PHF20: variants seen among roughly 807,000 people sequenced by gnomAD.
PHF20 encodes the protein glioma-expressed antigen 2.
PHF20 carries 23 observed loss-of-function variants against 113.5 expected under a neutral mutation model. That is an observed-to-expected ratio of 0.20 (90% CI 0.15 to 0.29). PHF20 has a LOEUF of 0.29. Among genes scored for constraint, PHF20 ranks in the 10% least tolerant of loss-of-function variants. The pLI is 1.00. For missense variants in PHF20, 943 were observed against 1,219.6 expected, an observed-to-expected ratio of 0.77 and a Z score of 3.38; for synonymous variants, 434 against 457.3, an observed-to-expected ratio of 0.95 and a Z score of 0.65.
intron 9 of PHF20, among the ~76,000 whole-genome samples, chr20:35,881,077 C>T (rs1176190037): frequency 7.0e-5 from 5 of 71,402 alleles, no homozygotes; most frequent in Non-Finnish European, 9.5e-5. Flanking sequence ...TTTTCTGAGA[C>T]GGAGTTTCTC....
intron 2 of PHF20, among the ~76,000 whole-genome samples, chr20:35,830,409 A>T (rs920974046): frequency 1.3e-5 from 2 of 152,222 alleles, no homozygotes. Context: ...CTCAAGGTTC[A>T]TCTGTGTTGT....
intron 1 of PHF20, among the ~76,000 whole-genome samples, chr20:35,780,387 G>A (rs1216717696): frequency 1.3e-5 from 2 of 150,902 alleles, no homozygotes; most frequent in Non-Finnish European, 3.0e-5. Flanking sequence ...CACGATGCCC[G>A]GCTAATTTTT....
In PHF20 at chr20:35,863,227, G is replaced by T; in HGVS notation, c.635G>T (p.Ser212Ile). 1 of 1,614,114 alleles carries T rather than the reference G, an allele frequency of 6.2e-7. No homozygotes were observed. The highest frequency in any genetic ancestry group is 8.5e-7 in the Non-Finnish European group (1 of 1,180,010). The change falls in exon 6 of 18, where the codon AGT (serine) becomes ATT (isoleucine). Residue 212 changes from serine (S) to isoleucine (I), a missense_variant. This residue lies in a region of PHF20 where 592 missense variants were observed against 787.2 expected (regional missense o/e 0.75). Coordinates refer to ENST00000374012, the MANE Select transcript of PHF20 (RefSeq NM_016436.5). Reference protein sequence around the residue: ...CSEKGKVSEKSLPKNEKEDKE... With the variant: ...CSEKGKVSEKILPKNEKEDKE... ...GAAAAGGGGAAAGTGTCAGAGAAAA[G>T]TCTTCCCAAGAACGAGAAGGAAGAC...
chr20:35,842,852 C>T, intron 3 of PHF20, 108 bp downstream of exon 3: 1 of 872,490 alleles, frequency 1.1e-6, no homozygotes, highest in Non-Finnish European at 1.8e-6. Flanking sequence ...CTTATTTAGG[C>T]CTATAGTTGT....
intron 5 of PHF20, among the ~76,000 whole-genome samples, chr20:35,860,570 C>T (rs1010521107): frequency 2.0e-5 from 3 of 152,046 alleles, no homozygotes; most frequent in African/African-American, 7.3e-5. Context: ...TACATGATAC[C>T]TTTAGTGGTA....
intron 2 of PHF20, among the ~76,000 whole-genome samples, chr20:35,811,129 C>G (rs907874392): frequency 1.3e-5 from 2 of 152,074 alleles, no homozygotes; most frequent in Non-Finnish European, 2.9e-5. Context: ...TCACTGCAAC[C>G]TCCGCCTCCA....
intron 2 of PHF20, among the ~76,000 whole-genome samples, chr20:35,820,940 T>C (rs1413663738): frequency 6.6e-6 from 1 of 151,928 alleles, no homozygotes. Context: ...GCAGAAGCCC[T>C]GGCGTAGGAG....
intron 1 of PHF20, among the ~76,000 whole-genome samples, chr20:35,790,528 A>G (rs1166936335): frequency 6.6e-6 from 1 of 152,012 alleles, no homozygotes; most frequent in Non-Finnish European, 1.5e-5. Flanking sequence ...TCTTCACAAC[A>G]CCTATATGAT....
At chr20:35,850,050 C>T (rs561961721) in intron 4 of PHF20, among the ~76,000 whole-genome samples, 7 of 152,210 alleles carry the variant, frequency 4.6e-5, no homozygotes, top group African/African-American at 1.2e-4. Flanking sequence ...TGTTAGCACT[C>T]GGAAAATAGG....
In PHF20 at chr20:35,935,917, G is replaced by A. The variant is rs77129749; in HGVS notation, c.2301-2780G>A. On this transcript the variant is annotated intron_variant, in intron 15 of 17. Transcript: ENST00000374012. The stretch of plus-strand genomic sequence containing the variant: ...AAATATTGTTCCCCAGTGACCTGGT[G>A]AATTTATTTTCGAAGACAAACAATA... Among the ~76,000 whole-genome samples, 1,238 of 152,276 alleles carry A rather than the reference G, an allele frequency of 8.1e-3. 7 individuals are homozygous for A. The highest frequency in any genetic ancestry group is 0.024 in the Middle Eastern group (7 of 294).
chr20:35,937,234 C>T lies in PHF20; in HGVS notation c.2301-1463C>T, dbSNP rs575653816. On this transcript the variant is annotated intron_variant, in intron 15 of 17. Coordinates refer to ENST00000374012, the MANE Select transcript of PHF20 (RefSeq NM_016436.5). ...TTGGGCTCCCAGCACTTTGGGAGGTCGAGGTGGGCGGATCACCTGAGGTTG... is the reference window on the plus strand; with the variant it reads ...TTGGGCTCCCAGCACTTTGGGAGGTTGAGGTGGGCGGATCACCTGAGGTTG... Among the ~76,000 whole-genome samples, 6 of 152,086 alleles carry T rather than the reference C, an allele frequency of 3.9e-5. No homozygotes were observed. The South Asian group carries it at 6.2e-4, about 16-fold the overall frequency.
intron 1 of PHF20, among the ~76,000 whole-genome samples, chr20:35,776,478 G>A (rs1229095396): frequency 6.6e-6 from 1 of 152,192 alleles, no homozygotes; most frequent in Non-Finnish European, 1.5e-5. Flanking sequence ...GTACCCACAT[G>A]TCTAATCTAT....
At chr20:35,888,245 T>A (rs1568711400) in intron 9 of PHF20, among the ~76,000 whole-genome samples, 1 of 152,140 alleles carries the variant, frequency 6.6e-6, no homozygotes, top group Non-Finnish European at 1.5e-5. Flanking sequence ...CCTCTCAAAG[T>A]GTTGGGATTA....
At chr20:35,941,076 A>C in intron 17 of PHF20, 29 bp downstream of exon 17, 1 of 1,595,640 alleles carries the variant, frequency 6.3e-7, no homozygotes, top group Non-Finnish European at 8.6e-7. Flanking sequence ...CCCCCTGTGC[A>C]TTGGCATGCA....
chr20:35,855,842 G>GT (rs1382245068), intron 4 of PHF20, among the ~76,000 whole-genome samples: 1 of 151,674 alleles, frequency 6.6e-6, no homozygotes, highest in Non-Finnish European at 1.5e-5. Context: ...CCTGGCTAAT[G>GT]TTTTTTGCAT....
chr20:35,836,672 A>G (rs982958841), intron 2 of PHF20, among the ~76,000 whole-genome samples: 17 of 151,742 alleles, frequency 1.1e-4, no homozygotes, highest in Non-Finnish European at 2.1e-4. Context: ...GTGAAACCCC[A>G]TTTCTACTAA....
At chr20:35,799,045 C>T (rs1040901815) in intron 1 of PHF20, among the ~76,000 whole-genome samples, 3 of 152,096 alleles carry the variant, frequency 2.0e-5, no homozygotes, top group African/African-American at 7.2e-5. Context: ...GACATGTACT[C>T]ACTTCTGTGA....
intron 4 of PHF20, among the ~76,000 whole-genome samples, chr20:35,854,054 G>A (rs1435645640): frequency 2.0e-5 from 3 of 152,104 alleles, no homozygotes; most frequent in African/African-American, 4.8e-5. Flanking sequence ...ATGCCCGGCC[G>A]ATGAAGACCC....
At chr20:35,896,081 ATGTGTG>A (rs10633976) in intron 9 of PHF20, among the ~76,000 whole-genome samples, 34 of 143,208 alleles carry the variant, frequency 2.4e-4, no homozygotes, top group African/African-American at 6.8e-4. Context: ...ATGCTTTGGG[ATGTGTG>A]TGTGTGTGTG....
Sources: allele counts gnomAD v4.1 joint callset (sites outside exome capture counted in the v4.1 genomes callset), GRCh38; gene constraint gnomAD v4.1.1; regional missense constraint gnomAD v4.1.1; transcripts MANE v1.5; gene names NCBI Gene and HGNC (gene_info 2026-07-23, HGNC 2026-07-21).